GFRA1: variants seen among roughly 807,000 people sequenced by gnomAD.
GFRA1 encodes the protein GDNF family receptor alpha-1.
A neutral mutation model predicts 51.6 loss-of-function variants in GFRA1; 16 were observed. That is an observed-to-expected ratio of 0.31 (90% CI 0.21 to 0.47). The LOEUF is 0.47. Ranked by LOEUF, GFRA1 falls within the 20% of genes least tolerant of loss-of-function variation. GFRA1 has a pLI of 1.00. For missense variants in GFRA1, 530 were observed against 594.3 expected (o/e 0.89, Z 1.13); for synonymous variants, 270 against 241.3 (o/e 1.12, Z -1.10).
At chr10:116,096,866 T>G in intron 6 of GFRA1, 102 bp from the exon 7 acceptor site, 1 of 648,574 alleles carries the variant, frequency 1.5e-6, no homozygotes, top group Non-Finnish European at 2.8e-6. Flanking sequence ...TATGCCTTTT[T>G]CTGCACACGC....
chr10:116,140,280 G>A (rs1459285484), intron 5 of GFRA1, among the ~76,000 whole-genome samples: 5 of 152,130 alleles, frequency 3.3e-5, no homozygotes, highest in Non-Finnish European at 2.9e-5. Context: ...TTTGGTGGAG[G>A]GCAAGGCTTT....
intron 5 of GFRA1, among the ~76,000 whole-genome samples, chr10:116,143,454 C>T (rs4426065): frequency 0.81 from 123,699 of 152,082 alleles, 50,444 homozygotes; most frequent in African/African-American, 0.88. Flanking sequence ...AGGCAGTCTG[C>T]GTAAACAACT....
At chr10:116,269,036 G>A (rs1969883641) in intron 4 of GFRA1, among the ~76,000 whole-genome samples, 1 of 152,144 alleles carries the variant, frequency 6.6e-6, no homozygotes, top group South Asian at 2.1e-4. Flanking sequence ...TTAAATCAAA[G>A]GCAGACAAGT....
intron 5 of GFRA1, among the ~76,000 whole-genome samples, chr10:116,200,385 G>T (rs918150821): frequency 1.3e-5 from 2 of 152,188 alleles, no homozygotes; most frequent in South Asian, 2.1e-4. Flanking sequence ...CTAGCTGTAA[G>T]ACCTTCTGCA....
chr10:116,207,763 A>C (rs1371736920), intron 5 of GFRA1, among the ~76,000 whole-genome samples: 1 of 152,172 alleles, frequency 6.6e-6, no homozygotes, highest in African/African-American at 2.4e-5. Context: ...TAAGGACAGC[A>C]GATGTAAGTC....
chr10:116,257,065 C>T (rs1968920874), intron 4 of GFRA1, among the ~76,000 whole-genome samples: 1 of 150,430 alleles, frequency 6.6e-6, no homozygotes, highest in South Asian at 2.1e-4. Flanking sequence ...TCTCAGGGAC[C>T]CATGCTGTGC....
At chr10:116,202,189 T>C (rs1033553356) in intron 5 of GFRA1, among the ~76,000 whole-genome samples, 12 of 152,198 alleles carry the variant, frequency 7.9e-5, no homozygotes, top group Middle Eastern at 3.4e-3. Context: ...AAGCCAGATG[T>C]GTAGACAGAT....
In GFRA1 at chr10:116,269,491, A is replaced by C; in HGVS notation, c.418+12T>G. 6.7e-7 allele frequency: 1 copy of C among 1,496,386 alleles called. No individual in the cohort carries two copies. The allele number at this position is 1,496,386 out of a possible 1,614,324, so 92.7% of individuals were successfully genotyped here. A position where few individuals can be genotyped will look rare whatever the true frequency, so the allele number is the denominator to read the frequency against. ...CACAAAGGCATCAGCATGGAAGTAT[A>C]AATCTGCTTACCTGATATGAATGGG... On this transcript the variant is annotated intron_variant, in intron 4 of 10. Coordinates refer to ENST00000355422, the MANE Select transcript of GFRA1 (RefSeq NM_005264.8).
At chr10:116,233,476 C>T (rs1031062123) in intron 4 of GFRA1, among the ~76,000 whole-genome samples, 3 of 152,116 alleles carry the variant, frequency 2.0e-5, no homozygotes, top group Admixed American at 6.5e-5. Flanking sequence ...TTATGATTTC[C>T]TGCACAGACA....
intron 4 of GFRA1, among the ~76,000 whole-genome samples, chr10:116,231,228 C>T (rs1332385307): frequency 6.6e-6 from 1 of 152,142 alleles, no homozygotes. Flanking sequence ...GGCACAAGAC[C>T]TGTCCTAATG....
chr10:116,199,621 C>A (rs1813678851), intron 5 of GFRA1, among the ~76,000 whole-genome samples: 1 of 152,198 alleles, frequency 6.6e-6, no homozygotes, highest in African/African-American at 2.4e-5. Context: ...CATTTTATTT[C>A]ATATGCATTT....
chr10:116,176,303 C>T (rs1307547820), intron 5 of GFRA1, among the ~76,000 whole-genome samples: 1 of 152,188 alleles, frequency 6.6e-6, no homozygotes, highest in East Asian at 1.9e-4. Flanking sequence ...TTCCTCTCTT[C>T]CATCTTTCAC....
At chr10:116,154,582 G>C (rs1285805243) in intron 5 of GFRA1, among the ~76,000 whole-genome samples, 2 of 152,176 alleles carry the variant, frequency 1.3e-5, no homozygotes, top group Non-Finnish European at 2.9e-5. Context: ...AGTTAGGAGG[G>C]TGCTTCTGGA....
chr10:116,213,704 A>G (rs1293872216), intron 4 of GFRA1, among the ~76,000 whole-genome samples: 1 of 152,212 alleles, frequency 6.6e-6, no homozygotes, highest in East Asian at 1.9e-4. Flanking sequence ...TGTGGCTGAG[A>G]CATGCACCTC....
At position 116,125,472 on chromosome 10, in the gene GFRA1, C is replaced by A. The variant is rs768119844; in HGVS notation, c.519G>T (p.Ala173=). ...LDDICKKYRS[A]YITPCTTSVS... The stretch of plus-strand genomic sequence containing the variant: ...CGCTGGTGGTGCACGGGGTGATGTA[C>A]GCCGACCTGTACTTCTTGCAAATGT... Residue 173 remains alanine, a synonymous_variant, in exon 6 of 11, where the codon GCG becomes GCT. Coordinates refer to ENST00000355422, the MANE Select transcript of GFRA1 (RefSeq NM_005264.8). 3.7e-6 allele frequency: 6 copies of A among 1,614,122 alleles called. No individual in the cohort carries two copies. The African/African-American group carries it at 4.0e-5, about 11-fold the overall frequency.
chr10:116,111,291 G>A (rs1043541720), intron 6 of GFRA1, among the ~76,000 whole-genome samples: 2 of 152,176 alleles, frequency 1.3e-5, no homozygotes, highest in Non-Finnish European at 2.9e-5. Flanking sequence ...ACTTCTTCAT[G>A]TGCAGTGAGG....
chr10:116,218,750 C>A (rs546550463), intron 4 of GFRA1, among the ~76,000 whole-genome samples: 1 of 152,288 alleles, frequency 6.6e-6, no homozygotes, highest in East Asian at 1.9e-4. Context: ...AACCGGAAGG[C>A]CTCACTCCGC....
At chr10:116,188,848 T>C (rs1962979598) in intron 5 of GFRA1, among the ~76,000 whole-genome samples, 1 of 147,824 alleles carries the variant, frequency 6.8e-6, no homozygotes, top group Non-Finnish European at 1.5e-5. Context: ...TGCCGTGAGC[T>C]AAGATAGTGC....
intron 5 of GFRA1, among the ~76,000 whole-genome samples, chr10:116,196,690 CTATA>C (rs1219414129): frequency 2.8e-5 from 1 of 35,910 alleles, no homozygotes; most frequent in Non-Finnish European, 4.7e-5. Flanking sequence ...ATATATAGTA[CTATA>C]TATAATATAT....
Sources: allele counts gnomAD v4.1 joint callset (sites outside exome capture counted in the v4.1 genomes callset), GRCh38; gene constraint gnomAD v4.1.1; transcripts MANE v1.5; gene names NCBI Gene and HGNC (gene_info 2026-07-23, HGNC 2026-07-21).